Variants in CIMIP2A observed in about 807,000 individuals in gnomAD.
The protein encoded by CIMIP2A is ciliary microtubule inner protein 2A.
chr9:137,252,380 G>C, the CIMIP2A span: 35 of 1,543,218 alleles, frequency 2.3e-5, no homozygotes, highest in Non-Finnish European at 3.1e-5. Context: ...GGTTCGAGTG[G>C]GGACTGTCAC....
the CIMIP2A span, chr9:137,251,730 C>G: frequency 6.4e-7 from 1 of 1,558,484 alleles, no homozygotes; most frequent in Non-Finnish European, 8.7e-7. Context: ...TGCTGGTCTC[C>G]CTTGCAGGCC....
At chr9:137,244,435 C>A in the CIMIP2A span, 1 of 1,520,526 alleles carries the variant, frequency 6.6e-7, no homozygotes, top group Non-Finnish European at 8.8e-7. Flanking sequence ...CTACCCCCGA[C>A]TCCAAAACTT....
chr9:137,244,174 G>A, the CIMIP2A span: 1 of 1,613,780 alleles, frequency 6.2e-7, no homozygotes, highest in African/African-American at 1.3e-5. Flanking sequence ...TACTCACCGG[G>A]GATGAACCCC....
At chr9:137,245,033 C>A in the CIMIP2A span, 3 of 1,610,088 alleles carry the variant, frequency 1.9e-6, 1 homozygote, top group Non-Finnish European at 2.5e-6. Context: ...TCTCACACTG[C>A]AAGAACCTTG....
At chr9:137,253,292 TG>T in the CIMIP2A span, 1 of 1,575,374 alleles carries the variant, frequency 6.3e-7, no homozygotes, top group South Asian at 1.2e-5. Flanking sequence ...AGTGGAACCA[TG>T]GCCTCCCCCG....
the CIMIP2A span, chr9:137,244,130 T>C: frequency 2.5e-6 from 4 of 1,586,322 alleles, no homozygotes; most frequent in East Asian, 2.2e-5. Context: ...CTCCCCACAT[T>C]GGCCGGGGTG....
chr9:137,251,784 TG>T, the CIMIP2A span: 1 of 1,592,488 alleles, frequency 6.3e-7, no homozygotes, highest in South Asian at 1.1e-5. Flanking sequence ...GGGGATGGCC[TG>T]GGATGAGACA....
the CIMIP2A span, chr9:137,245,639 T>C: frequency 1.2e-6 from 2 of 1,608,618 alleles, no homozygotes; most frequent in East Asian, 4.5e-5. Flanking sequence ...GGCAGCTCAC[T>C]GGTGTAGTGG....
the CIMIP2A span, chr9:137,252,750 C>G: frequency 1.3e-6 from 2 of 1,559,108 alleles, no homozygotes; most frequent in Admixed American, 1.9e-5. Context: ...TCCAAGACAC[C>G]TGAAGGCCAC....
At chr9:137,253,530 G>A in the CIMIP2A span, 10 of 1,399,362 alleles carry the variant, frequency 7.1e-6, no homozygotes, top group Non-Finnish European at 9.3e-6. Flanking sequence ...GGCGGTCCTA[G>A]AGATATGGCT....
chr9:137,245,163 G>T, the CIMIP2A span: 1 of 1,537,142 alleles, frequency 6.5e-7, no homozygotes, highest in Non-Finnish European at 8.8e-7. Context: ...CACATCTAGC[G>T]TCTCCTGCTG....
At chr9:137,254,253 G>A in the CIMIP2A span, among the ~76,000 whole-genome samples, 16 of 152,374 alleles carry the variant, frequency 1.1e-4, no homozygotes, top group Admixed American at 6.5e-4. Context: ...TTGTGTGTGT[G>A]CTGTGACCCT....
the CIMIP2A span, among the ~76,000 whole-genome samples, chr9:137,247,083 C>T: frequency 1.3e-5 from 2 of 151,934 alleles, no homozygotes; most frequent in Non-Finnish European, 2.9e-5. Flanking sequence ...GTCAGGAGTT[C>T]GAGACCAGCC....
the CIMIP2A span, among the ~76,000 whole-genome samples, chr9:137,246,750 G>T: frequency 1.3e-5 from 2 of 151,922 alleles, no homozygotes; most frequent in Non-Finnish European, 2.9e-5. Flanking sequence ...GCAACAGAGC[G>T]AGACTCCGTC....
the CIMIP2A span, among the ~76,000 whole-genome samples, chr9:137,246,836 G>T: frequency 6.6e-6 from 1 of 152,200 alleles, no homozygotes; most frequent in Non-Finnish European, 1.5e-5. Context: ...GCTGTTCAGA[G>T]GCAGGTGTGG....
At chr9:137,247,802 T>C in the CIMIP2A span, 19 of 1,340,110 alleles carry the variant, frequency 1.4e-5, no homozygotes, top group Admixed American at 1.7e-4. Flanking sequence ...CGGGCAACCA[T>C]TGTGAGGGGC....
the CIMIP2A span, chr9:137,245,605 C>G: frequency 5.6e-6 from 9 of 1,613,074 alleles, 1 homozygote; most frequent in East Asian, 2.0e-4. Flanking sequence ...CAGGCGGGCA[C>G]AGGAGGGTGC....
chr9:137,247,539 CTTCA>C, the CIMIP2A span: 2 of 922,608 alleles, frequency 2.2e-6, no homozygotes, highest in Admixed American at 4.4e-5. Context: ...GTGGTGTGGC[CTTCA>C]GTTTCCTGGG....
At chr9:137,244,120 C>T in the CIMIP2A span, 46 of 1,557,868 alleles carry the variant, frequency 3.0e-5, no homozygotes, top group East Asian at 4.5e-5. Flanking sequence ...AGAGCCGTCC[C>T]TCCCCACATT....
Sources: gnomAD v4.1 joint callset for allele counts (sites outside exome capture counted in the v4.1 genomes callset) on GRCh38, gnomAD v4.1.1 for gene constraint, MANE v1.5 for transcripts, NCBI Gene and HGNC (gene_info 2026-07-23, HGNC 2026-07-21) for gene names.